The following SIRPA variants were observed in gnomAD, a reference collection of about 807,000 sequenced individuals.
The protein encoded by SIRPA is signal regulatory protein alpha, also known as tyrosine-protein phosphatase non-receptor type substrate 1.
Under a neutral mutation model 50.3 loss-of-function variants are expected in SIRPA, and 9 were observed. The observed-to-expected ratio is 0.18, with a 90% CI of 0.11 to 0.31. The LOEUF (loss-of-function observed/expected upper bound fraction) is 0.31. Among genes scored for constraint, SIRPA ranks in the 10% least tolerant of loss-of-function variants. The pLI is 1.00. For synonymous variants in SIRPA, 265 were observed against 284.1 expected (o/e 0.93, Z 0.68); for missense variants, 474 against 661.6 (o/e 0.72, Z 3.11).
chr20:1,896,738 C>T (rs990768485), intron 1 of SIRPA, among the ~76,000 whole-genome samples: 4 of 152,032 alleles, frequency 2.6e-5, no homozygotes, highest in African/African-American at 9.7e-5. Context: ...CCTGCAGTTT[C>T]CCCTGAAACC....
At position 1,937,440 on chromosome 20, in the gene SIRPA, G is replaced by C; in HGVS notation, c.1387G>C (p.Ala463Pro). Residue 463 changes from alanine to proline, a missense_variant, in exon 8 of 8, where the codon GCG becomes CCG. This residue lies in a region of SIRPA where 180 missense variants were observed against 206.7 expected (regional missense o/e 0.87). Transcript: ENST00000358771. The surrounding 1 kb of genome is among the most constrained non-coding windows in gnomAD (Gnocchi z 8.3). Reference sequence around the variant, plus strand: ...CAGCATTCAGACCAGCCCGCAGCCCGCGTCGGAGGACACCCTCACCTATGC... The same window carrying C: ...CAGCATTCAGACCAGCCCGCAGCCCCCGTCGGAGGACACCCTCACCTATGC... ...YASIQTSPQP[A>P]SEDTLTYADL... 6.2e-7 allele frequency: 1 copy of C among 1,614,072 alleles called. No homozygotes were observed. The highest frequency in any genetic ancestry group is 8.5e-7 in the Non-Finnish European group (1 of 1,180,022).
chr20:1,926,810 C>T (rs1368783033), intron 5 of SIRPA, among the ~76,000 whole-genome samples: 1 of 152,212 alleles, frequency 6.6e-6, no homozygotes, highest in Non-Finnish European at 1.5e-5. Context: ...ACACTACCTC[C>T]CTCCGCCATA....
In SIRPA at chr20:1,937,452, A is replaced by G. The variant is rs1986649118; in HGVS notation, c.1399A>G (p.Thr467Ala). The change falls in exon 8 of 8, where the codon ACC becomes GCC. Residue 467 changes from threonine to alanine, a missense_variant. Physicochemically the swap from Thr to Ala is moderately conservative, Grantham distance 58 (BLOSUM62 0). Transcript: ENST00000358771. The surrounding 1 kb of genome is among the most constrained non-coding windows in gnomAD (Gnocchi z 8.3). ...QTSPQPASEDTLTYADLDMVH... is the reference protein window; with the variant it reads ...QTSPQPASEDALTYADLDMVH... The stretch of plus-strand genomic sequence containing the variant: ...CAGCCCGCAGCCCGCGTCGGAGGAC[A>G]CCCTCACCTATGCTGACCTGGACAT... 3 of 1,614,000 alleles carry G rather than the reference A, an allele frequency of 1.9e-6. No individual in the cohort carries two copies. The African/African-American group carries it at 4.0e-5, about 22-fold the overall frequency.
At chr20:1,926,803 C>T (rs764544295) in intron 5 of SIRPA, among the ~76,000 whole-genome samples, 2 of 152,210 alleles carry the variant, frequency 1.3e-5, no homozygotes, top group African/African-American at 2.4e-5. Flanking sequence ...ACCTTGCACA[C>T]TACCTCCCTC....
At chr20:1,899,585 C>A (rs959340407) in intron 1 of SIRPA, among the ~76,000 whole-genome samples, 4 of 152,178 alleles carry the variant, frequency 2.6e-5, no homozygotes, top group African/African-American at 9.7e-5. Context: ...CTGTTCCTGC[C>A]ATCAGAAATG....
intron 7 of SIRPA, among the ~76,000 whole-genome samples, chr20:1,935,093 C>T (rs1986502450): frequency 6.6e-6 from 1 of 152,150 alleles, no homozygotes; most frequent in African/African-American, 2.4e-5. Context: ...CAGGCCCATC[C>T]CTCTACCAGG....
chr20:1,918,696 T>C (rs1985462172), intron 2 of SIRPA, among the ~76,000 whole-genome samples: 1 of 152,138 alleles, frequency 6.6e-6, no homozygotes. Flanking sequence ...TCATGTGATC[T>C]TGGGCAAATC....
chr20:1,919,952 G>A (rs767123969), intron 2 of SIRPA, among the ~76,000 whole-genome samples: 3 of 138,098 alleles, frequency 2.2e-5, no homozygotes, highest in African/African-American at 8.1e-5. Flanking sequence ...GTGTAGATTC[G>A]GAAGCAGTAA....
intron 4 of SIRPA, among the ~76,000 whole-genome samples, chr20:1,923,030 GAGCCTGCCCC>G (rs942625759): frequency 2.6e-5 from 4 of 151,912 alleles, no homozygotes; most frequent in African/African-American, 9.7e-5. Context: ...CTGCCATTGG[GAGCCTGCCCC>G]ACTGGAAGCC....
At chr20:1,919,931 G>A (rs1444503764) in intron 2 of SIRPA, among the ~76,000 whole-genome samples, 1 of 152,312 alleles carries the variant, frequency 6.6e-6, no homozygotes, top group African/African-American at 2.4e-5. Context: ...TCTGCTGCCT[G>A]AAGGATAAAT....
chr20:1,900,124 G>C (rs1285143772), intron 1 of SIRPA, among the ~76,000 whole-genome samples: 10 of 144,958 alleles, frequency 6.9e-5, no homozygotes, highest in Admixed American at 6.2e-4. Flanking sequence ...TTTTGAGATG[G>C]AGTTTCACTC....
chr20:1,918,360 C>CCTTTT (rs745958149), intron 2 of SIRPA, among the ~76,000 whole-genome samples: 4 of 95,682 alleles, frequency 4.2e-5, no homozygotes, highest in African/African-American at 8.3e-5. Context: ...ACCACACCAG[C>CCTTTT]TTTTTTTTTT....
chr20:1,926,038 G>A (rs2122137309), intron 5 of SIRPA, among the ~76,000 whole-genome samples: 1 of 152,310 alleles, frequency 6.6e-6, no homozygotes, highest in African/African-American at 2.4e-5. Context: ...CTGCCTTTCT[G>A]TGGCCTGGCA....
chr20:1,927,954 G>A lies in SIRPA; in HGVS notation c.1226+55G>A. ...GCAGTTATTATTTGGTTATTTGACA[G>A]CCCCCCAGACTACAAAGCATAATCC... On this transcript the variant is annotated intron_variant, in intron 6 of 7. Transcript: ENST00000358771. This position sits in a 1 kb window ranked among gnomAD's most constrained non-coding sequence, Gnocchi z 6.5. 2 of 1,467,558 alleles carry A rather than the reference G, an allele frequency of 1.4e-6. No individual in the cohort carries two copies. Among genetic ancestry groups the A allele is most frequent in the Non-Finnish European group, 1.9e-6 (2 of 1,046,450 alleles). The allele number at this position is 1,467,558 out of a possible 1,614,324, so 90.9% of individuals were successfully genotyped here.
intron 4 of SIRPA, among the ~76,000 whole-genome samples, chr20:1,923,553 T>C (rs776252626): frequency 6.6e-6 from 1 of 152,118 alleles, no homozygotes; most frequent in Non-Finnish European, 1.5e-5. Context: ...GTTTTCATAG[T>C]ACGTGTGGAG....
At chr20:1,920,984 C>T (rs1009210560) in intron 2 of SIRPA, among the ~76,000 whole-genome samples, 1 of 152,262 alleles carries the variant, frequency 6.6e-6, no homozygotes, top group Non-Finnish European at 1.5e-5. Flanking sequence ...TGCCACGTTG[C>T]TGCTTACTCC....
chr20:1,933,759 G>T lies in SIRPA; in HGVS notation c.1227-956G>T, dbSNP rs145531223. Among the ~76,000 whole-genome samples the T allele has an allele frequency of 4.2e-3, 642 of 152,274 alleles. 4 individuals are homozygous for T. The highest frequency in any genetic ancestry group is 0.015 in the African/African-American group (625 of 41,542). On this transcript the variant is annotated intron_variant, in intron 6 of 7. Coordinates refer to ENST00000358771, the MANE Select transcript of SIRPA (RefSeq NM_001040023.2). The surrounding 1 kb of genome is among the most constrained non-coding windows in gnomAD (Gnocchi z 4.4). ...TGACATTATCCATGCTAACATCCCC[G>T]GGGTTGCCGGCTTGAGAATTTACAC... is the stretch of plus-strand genomic sequence containing the variant.
rs755382485 is a variant in SIRPA at position 1,933,882 on chromosome 20, G to A, written c.1227-833G>A. On this transcript the variant is annotated intron_variant, in intron 6 of 7. Transcript: ENST00000358771. The surrounding 1 kb of genome is among the most constrained non-coding windows in gnomAD (Gnocchi z 4.4). ...CCTCCAATTACAGAAGCAAGTGCAC[G>A]AACAACTTCTTTGATTAACTTGGAC... Among the ~76,000 whole-genome samples the A allele has an allele frequency of 2.6e-5, 4 of 152,116 alleles. No individual in the cohort carries two copies. Among genetic ancestry groups the A allele is most frequent in the South Asian group, 2.1e-4 (1 of 4,828 alleles).
rs1269927492 is a variant in SIRPA, at chr20:1,932,115, G to C, written c.1227-2600G>C. ...AATACATATGGACTGCTGACGATGT[G>C]CCAGCCCAGTTCTTGGTGCTGGGGC... On this transcript the variant is annotated intron_variant, in intron 6 of 7. Transcript: ENST00000358771. The surrounding 1 kb of genome is among the most constrained non-coding windows in gnomAD (Gnocchi z 6.0). Among the ~76,000 whole-genome samples the C allele has an allele frequency of 6.6e-6, 1 of 152,172 alleles. No homozygotes were observed. The highest frequency in any genetic ancestry group is 2.4e-5 in the African/African-American group (1 of 41,424).
Sources: gnomAD v4.1 joint callset for allele counts (sites outside exome capture counted in the v4.1 genomes callset) on GRCh38, gnomAD v4.1.1 for gene constraint, gnomAD v4.1.1 regional missense constraint, Gnocchi (gnomAD v3.1) non-coding constraint, MANE v1.5 for transcripts, NCBI Gene and HGNC (gene_info 2026-07-23, HGNC 2026-07-21) for gene names.